The following EDNRA variants were observed in gnomAD, a reference collection of about 807,000 sequenced individuals.
EDNRA encodes the protein endothelin receptor type A, also known as endothelin-1 receptor.
Under a neutral mutation model 41.4 loss-of-function variants are expected in EDNRA, and 11 were observed. The ratio of observed to expected loss-of-function variants is 0.27; its 90% CI spans 0.17 to 0.44. The LOEUF (loss-of-function observed/expected upper bound fraction) is 0.44, where lower values mean the gene tolerates loss of function less well. EDNRA is among the 20% of genes least tolerant of loss of function. The probability of loss-of-function intolerance (pLI) is 1.00; values close to 1 mark genes in which losing one functional copy is unlikely to be tolerated. For missense variants in EDNRA, 294 were observed against 531.0 expected (o/e 0.55, Z 4.39); for synonymous variants, 172 against 183.0 (o/e 0.94, Z 0.49).
At chr4:147,487,064 G>A (rs1728973174) in intron 2 of EDNRA, among the ~76,000 whole-genome samples, 1 of 152,084 alleles carries the variant, frequency 6.6e-6, no homozygotes, top group African/African-American at 2.4e-5. Context: ...ACGTAACATG[G>A]CAAGAGCAGG....
Position 147,544,676 on chromosome 4 carries a change from C to A in EDNRA, c.*2058C>A, listed in dbSNP as rs1429611791. ...CTATAATATAAGCCATAGGTTCACA[C>A]CATTTTGTTTAGACAATTGTCTTTT... On this transcript the variant is annotated 3_prime_UTR_variant, in exon 8 of 8. Transcript: ENST00000651419. 1 of 152,324 alleles carries A rather than the reference C, an allele frequency of 6.6e-6. No individual in the cohort carries two copies. The highest frequency in any genetic ancestry group is 1.5e-5 in the Non-Finnish European group (1 of 68,018). 9.4% of individuals were successfully genotyped at this position (152,324 alleles called of 1,614,324 possible).
At chr4:147,507,513 A>G (rs991339191) in intron 2 of EDNRA, among the ~76,000 whole-genome samples, 1 of 152,178 alleles carries the variant, frequency 6.6e-6, no homozygotes, top group African/African-American at 2.4e-5. Flanking sequence ...ATAACAGATT[A>G]ATGGTTGCCA....
chr4:147,513,785 T>C (rs1384394087), intron 2 of EDNRA, among the ~76,000 whole-genome samples: 1 of 152,192 alleles, frequency 6.6e-6, no homozygotes, highest in Non-Finnish European at 1.5e-5. Context: ...CCCTCATTCC[T>C]GTCTAGGACA....
intron 2 of EDNRA, among the ~76,000 whole-genome samples, chr4:147,510,334 T>G (rs1283001161): frequency 6.6e-6 from 1 of 152,100 alleles, no homozygotes; most frequent in Non-Finnish European, 1.5e-5. Flanking sequence ...TTTGTTCTAC[T>G]AAAAATAAAC....
At chr4:147,500,300 AG>A (rs1349172718) in intron 2 of EDNRA, among the ~76,000 whole-genome samples, 2 of 152,190 alleles carry the variant, frequency 1.3e-5, no homozygotes, top group African/African-American at 4.8e-5. Flanking sequence ...TCTTAGACAA[AG>A]GGGAAAGTGG....
intron 3 of EDNRA, among the ~76,000 whole-genome samples, chr4:147,527,818 C>T (rs1375937474): frequency 6.6e-6 from 1 of 152,108 alleles, no homozygotes; most frequent in Non-Finnish European, 1.5e-5. Context: ...AAAGGCTCTA[C>T]CGGGAGTTGG....
intron 2 of EDNRA, among the ~76,000 whole-genome samples, chr4:147,506,966 T>G (rs1013244906): frequency 6.6e-6 from 1 of 152,198 alleles, no homozygotes; most frequent in African/African-American, 2.4e-5. Context: ...TTTATAGACT[T>G]AACTTGTATT....
intron 5 of EDNRA, 98 bp downstream of exon 5, chr4:147,536,127 C>A: frequency 7.2e-7 from 1 of 1,383,672 alleles, no homozygotes; most frequent in Non-Finnish European, 9.9e-7. Context: ...AGCCTGATTT[C>A]CTAAAATAAA....
At chr4:147,532,287 C>G (rs1730775141) in intron 3 of EDNRA, among the ~76,000 whole-genome samples, 1 of 140,758 alleles carries the variant, frequency 7.1e-6, no homozygotes, top group African/African-American at 2.7e-5. Flanking sequence ...GATGGTGCCA[C>G]TGCACTCCAG....
At chr4:147,534,677 A>T (rs548931108) in intron 4 of EDNRA, among the ~76,000 whole-genome samples, 15 of 152,314 alleles carry the variant, frequency 9.8e-5, no homozygotes, top group Admixed American at 5.9e-4. Flanking sequence ...TAGAACCATC[A>T]CTAGGTTTGT....
At chr4:147,542,366 C>T in intron 7 of EDNRA, 112 bp from the exon 8 acceptor site, 1 of 1,465,134 alleles carries the variant, frequency 6.8e-7, no homozygotes, top group Non-Finnish European at 9.3e-7. Flanking sequence ...AGGTTCACTT[C>T]CCTCGAATGC....
intron 3 of EDNRA, among the ~76,000 whole-genome samples, chr4:147,529,195 A>T (rs1263872202): frequency 1.3e-5 from 2 of 152,172 alleles, no homozygotes; most frequent in African/African-American, 2.4e-5. Context: ...GGGGCCAGAG[A>T]TGGGAACAAC....
rs1728969584 is a variant in EDNRA, at chr4:147,486,961, C to G, written c.420+860C>G. 6.6e-6 allele frequency among the ~76,000 whole-genome samples: 1 copy of G among 151,764 alleles called. No individual in the cohort carries two copies. Among genetic ancestry groups the G allele is most frequent in the Admixed American group, 6.6e-5 (1 of 15,244 alleles). On this transcript the variant is annotated intron_variant, in intron 2 of 7. Coordinates refer to ENST00000651419, the MANE Select transcript of EDNRA (RefSeq NM_001957.4). The surrounding 1 kb of genome is among the most constrained non-coding windows in gnomAD (Gnocchi z 4.3). ...GAAAAGAGATTTGATTGGCTCACAG[C>G]TCTGTAGGCTGTACATGCATGGCTC...
intron 3 of EDNRA, among the ~76,000 whole-genome samples, chr4:147,523,361 ATTTC>A (rs1387826517): frequency 6.6e-6 from 1 of 150,748 alleles, no homozygotes; most frequent in Non-Finnish European, 1.5e-5. Context: ...AAATACTTCT[ATTTC>A]TTTCAGGGCC....
At chr4:147,523,497 G>GT (rs558896838) in intron 3 of EDNRA, among the ~76,000 whole-genome samples, 1,168 of 98,422 alleles carry the variant, frequency 0.012, 9 homozygotes, top group Non-Finnish European at 0.013. Context: ...TGTTTTTTTT[G>GT]TTTTTTTTTT....
chr4:147,539,119 G>C (rs1731013562), intron 5 of EDNRA, among the ~76,000 whole-genome samples: 1 of 151,808 alleles, frequency 6.6e-6, no homozygotes, highest in Non-Finnish European at 1.5e-5. Flanking sequence ...CATCACTGCT[G>C]ATAATCCTTT....
At chr4:147,526,793 T>C (rs1730570310) in intron 3 of EDNRA, among the ~76,000 whole-genome samples, 2 of 152,082 alleles carry the variant, frequency 1.3e-5, no homozygotes, top group South Asian at 4.1e-4. Context: ...AAAAAATATT[T>C]TTAAAAATTA....
chr4:147,539,023 T>C (rs1474524770), intron 5 of EDNRA, among the ~76,000 whole-genome samples: 3 of 152,140 alleles, frequency 2.0e-5, no homozygotes, highest in African/African-American at 7.2e-5. Context: ...TCCTAATTTA[T>C]AGATTTTCTG....
chr4:147,497,422 C>A (rs1729343468), intron 2 of EDNRA, among the ~76,000 whole-genome samples: 1 of 152,070 alleles, frequency 6.6e-6, no homozygotes, highest in South Asian at 2.1e-4. Context: ...ATTCCCAGAT[C>A]AACTCACACA....
Sources: allele counts gnomAD v4.1 joint callset (sites outside exome capture counted in the v4.1 genomes callset), GRCh38; gene constraint gnomAD v4.1.1; non-coding constraint Gnocchi (gnomAD v3.1); transcripts MANE v1.5; gene names NCBI Gene and HGNC (gene_info 2026-07-23, HGNC 2026-07-21).